MDFIC2: variants seen among roughly 807,000 people sequenced by gnomAD.
MDFIC2 encodes MyoD family inhibitor domain containing 2.
At chr3:70,306,451 T>A (rs78891302) in intron 2 of MDFIC2, among the ~76,000 whole-genome samples, 381 of 152,322 alleles carry the variant, frequency 2.5e-3, no homozygotes, top group Middle Eastern at 0.014. Flanking sequence ...AGTCGTCATG[T>A]GACTGCTTAC....
intron 2 of MDFIC2, among the ~76,000 whole-genome samples, chr3:70,234,144 G>A (rs1484998072): frequency 6.6e-6 from 1 of 152,208 alleles, no homozygotes. Flanking sequence ...TGAGTGGGAT[G>A]TGGACAACTA....
chr3:70,273,982 T>A (rs1701997933), intron 2 of MDFIC2, among the ~76,000 whole-genome samples: 1 of 151,718 alleles, frequency 6.6e-6, no homozygotes, highest in Non-Finnish European at 1.5e-5. Context: ...TTTTTGACAC[T>A]AAAATTTATT....
chr3:70,258,927 A>C (rs1357816025), intron 2 of MDFIC2, among the ~76,000 whole-genome samples: 1 of 152,092 alleles, frequency 6.6e-6, no homozygotes, highest in African/African-American at 2.4e-5. Context: ...TTCACAGTGA[A>C]TCTCTTATTT....
rs1382854706 is a variant in MDFIC2, at chr3:70,278,814, CTT to C, written c.88+33070_88+33071del. Among the ~76,000 whole-genome samples, 5 of 152,048 alleles carry C rather than the reference CTT, an allele frequency of 3.3e-5. No homozygotes were observed. The East Asian group carries it at 9.7e-4, about 30-fold the overall frequency. The stretch of plus-strand genomic sequence containing the variant: ...ACTTATGTTTCCTATGCCTCAGATT[CTT>C]CTTCTATAAAGGATAGCAAGCCACC... On this transcript the variant is annotated intron_variant, in intron 2 of 3. Coordinates refer to ENST00000567252, the MANE Select transcript of MDFIC2 (RefSeq NM_001364677.1).
chr3:70,259,637 G>T (rs554271479), intron 2 of MDFIC2, among the ~76,000 whole-genome samples: 1 of 152,266 alleles, frequency 6.6e-6, no homozygotes, highest in South Asian at 2.1e-4. Flanking sequence ...CACCCTGAAA[G>T]TCTGACGTGT....
At chr3:70,287,789 G>C (rs1470796107) in intron 2 of MDFIC2, among the ~76,000 whole-genome samples, 1 of 150,946 alleles carries the variant, frequency 6.6e-6, no homozygotes, top group African/African-American at 2.4e-5. Context: ...AGTCTTGGGA[G>C]AGTGTATGTG....
intron 2 of MDFIC2, among the ~76,000 whole-genome samples, chr3:70,237,543 C>T (rs147566746): frequency 2.0e-5 from 3 of 152,314 alleles, no homozygotes; most frequent in Non-Finnish European, 4.4e-5. Flanking sequence ...TGTCTTACAC[C>T]TCTTACTCTT....
chr3:70,203,636 T>G (rs1490711034), intron 3 of MDFIC2, among the ~76,000 whole-genome samples: 1 of 152,170 alleles, frequency 6.6e-6, no homozygotes, highest in Admixed American at 6.6e-5. Flanking sequence ...GTGCATTTAA[T>G]TGTATGAAAT....
At chr3:70,219,642 G>C (rs1701444503) in intron 2 of MDFIC2, among the ~76,000 whole-genome samples, 2 of 152,284 alleles carry the variant, frequency 1.3e-5, no homozygotes, top group South Asian at 4.1e-4. Flanking sequence ...TGAACCAAGA[G>C]AGATACTGAA....
At chr3:70,291,379 T>A (rs935193118) in intron 2 of MDFIC2, 1 of 152,210 alleles carries the variant, frequency 6.6e-6, no homozygotes, top group Non-Finnish European at 1.5e-5. Flanking sequence ...TGAATACTGT[T>A]ATCATTACGA....
intron 3 of MDFIC2, among the ~76,000 whole-genome samples, chr3:70,198,984 A>G (rs1332260066): frequency 6.6e-6 from 1 of 152,240 alleles, no homozygotes; most frequent in Admixed American, 6.5e-5. Context: ...AGTTTTACCA[A>G]TATGAAGACC....
intron 3 of MDFIC2, chr3:70,205,111 A>G (rs1429184853): frequency 6.6e-6 from 1 of 152,118 alleles, no homozygotes; most frequent in African/African-American, 2.4e-5. Context: ...GAGTACCTTG[A>G]GCTTTGAAAA....
At chr3:70,215,116 A>C (rs1355654908) in intron 2 of MDFIC2, among the ~76,000 whole-genome samples, 2 of 152,110 alleles carry the variant, frequency 1.3e-5, no homozygotes, top group Non-Finnish European at 2.9e-5. Flanking sequence ...CATCCGAACT[A>C]TTTGAATGTC....
intron 2 of MDFIC2, among the ~76,000 whole-genome samples, chr3:70,223,130 G>A (rs926353425): frequency 1.6e-4 from 25 of 152,120 alleles, no homozygotes; most frequent in African/African-American, 5.8e-4. Flanking sequence ...TCTGATGATT[G>A]TCATTGTTCT....
chr3:70,267,578 A>ATTTT (rs377637066), intron 2 of MDFIC2, among the ~76,000 whole-genome samples: 2,142 of 132,714 alleles, frequency 0.016, 82 homozygotes, highest in African/African-American at 0.056. Context: ...AATTTTTTGT[A>ATTTT]TTTTTTTTTT....
At chr3:70,229,508 G>C (rs1701539317) in intron 2 of MDFIC2, among the ~76,000 whole-genome samples, 1 of 152,140 alleles carries the variant, frequency 6.6e-6, no homozygotes, top group Admixed American at 6.5e-5. Flanking sequence ...TATTTTTCTG[G>C]TTTTCTTGCA....
At chr3:70,263,792 T>C (rs1701889933) in intron 2 of MDFIC2, among the ~76,000 whole-genome samples, 1 of 152,182 alleles carries the variant, frequency 6.6e-6, no homozygotes, top group African/African-American at 2.4e-5. Context: ...TGGCTCCATC[T>C]GGGTTCCCGT....
In MDFIC2 at chr3:70,195,414, G is replaced by C. The variant is rs1701166490; in HGVS notation, c.*1512C>G. Among the ~76,000 whole-genome samples, 1 of 152,182 alleles carries C rather than the reference G, an allele frequency of 6.6e-6. No homozygotes were observed. Among genetic ancestry groups the C allele is most frequent in the African/African-American group, 2.4e-5 (1 of 41,446 alleles). On this transcript the variant is annotated 3_prime_UTR_variant, in exon 4 of 4. Coordinates refer to ENST00000567252, the MANE Select transcript of MDFIC2 (RefSeq NM_001364677.1). ...CACTGCACTTCCAGGAGCAAGTTGA[G>C]AGTGGTTAAATGCCTTTTTAGAGGC...
chr3:70,210,846 ATAAACT>A (rs1345217350), intron 2 of MDFIC2, among the ~76,000 whole-genome samples: 2 of 151,778 alleles, frequency 1.3e-5, no homozygotes, highest in Admixed American at 6.6e-5. Flanking sequence ...ACAAATGGAC[ATAAACT>A]TAAGTCAGAG....
Sources: allele counts gnomAD v4.1 joint callset (sites outside exome capture counted in the v4.1 genomes callset), GRCh38; gene constraint gnomAD v4.1.1; transcripts MANE v1.5; gene names NCBI Gene and HGNC (gene_info 2026-07-23, HGNC 2026-07-21).